Variants in SRPK2 observed in about 807,000 individuals in gnomAD.
SRPK2 encodes the protein SRSF protein kinase 2, also known as SFRS protein kinase 2.
Under a neutral mutation model 90.8 loss-of-function variants are expected in SRPK2, and 21 were observed. The ratio of observed to expected loss-of-function variants is 0.23; its 90% CI spans 0.16 to 0.33. The LOEUF (loss-of-function observed/expected upper bound fraction) is 0.33, where lower values mean the gene tolerates loss of function less well. Ranked by LOEUF, SRPK2 falls within the 10% of genes least tolerant of loss-of-function variation. SRPK2 has a pLI of 1.00. For synonymous variants in SRPK2, 288 were observed against 311.1 expected (o/e 0.93, Z 0.78); for missense variants, 620 against 869.0 (o/e 0.71, Z 3.60).
chr7:105,378,738 G>A (rs533733970), intron 2 of SRPK2, among the ~76,000 whole-genome samples: 1 of 149,774 alleles, frequency 6.7e-6, no homozygotes, highest in Admixed American at 6.7e-5. Flanking sequence ...AATCCAGTCT[G>A]GCAACAGAGA....
At chr7:105,221,673 C>T (rs1284097269) in intron 2 of SRPK2, among the ~76,000 whole-genome samples, 2 of 152,178 alleles carry the variant, frequency 1.3e-5, no homozygotes, top group East Asian at 1.9e-4. Context: ...CTGTCCACAA[C>T]AGTCCTAACC....
chr7:105,182,030 A>C (rs1420465468), intron 3 of SRPK2, among the ~76,000 whole-genome samples: 1 of 151,848 alleles, frequency 6.6e-6, no homozygotes, highest in Non-Finnish European at 1.5e-5. Flanking sequence ...GGAGTTCAAG[A>C]CCAGCCTGGC....
intron 3 of SRPK2, among the ~76,000 whole-genome samples, chr7:105,177,210 A>G (rs1792085508): frequency 6.6e-6 from 1 of 152,186 alleles, no homozygotes; most frequent in Non-Finnish European, 1.5e-5. Flanking sequence ...AAACCTTTTG[A>G]TGACTTGCTT....
chr7:105,170,995 G>T (rs1048645041), intron 3 of SRPK2, among the ~76,000 whole-genome samples: 1 of 117,762 alleles, frequency 8.5e-6, no homozygotes, highest in African/African-American at 3.1e-5. Context: ...AAGAAAGAAA[G>T]AGAAAGAAAG....
intron 2 of SRPK2, among the ~76,000 whole-genome samples, chr7:105,254,126 T>C (rs773729657): frequency 2.9e-4 from 44 of 152,260 alleles, no homozygotes; most frequent in African/African-American, 5.3e-4. Context: ...TAAGAATCTA[T>C]TGATGAATCT....
At chr7:105,361,397 G>C (rs1818408307) in intron 2 of SRPK2, among the ~76,000 whole-genome samples, 1 of 152,098 alleles carries the variant, frequency 6.6e-6, no homozygotes, top group African/African-American at 2.4e-5. Flanking sequence ...TGGCCATACA[G>C]CCCAAGGTAA....
intron 2 of SRPK2, among the ~76,000 whole-genome samples, chr7:105,264,282 A>G (rs1804741590): frequency 6.6e-6 from 1 of 152,052 alleles, no homozygotes; most frequent in Admixed American, 6.6e-5. Context: ...TGCTCTCCGC[A>G]TCCACACATC....
chr7:105,221,736 T>A (rs1023640582), intron 2 of SRPK2, among the ~76,000 whole-genome samples: 1 of 152,126 alleles, frequency 6.6e-6, no homozygotes, highest in Admixed American at 6.5e-5. Flanking sequence ...ACTCAACCCA[T>A]CTTCCTTTTT....
chr7:105,220,866 C>T (rs1361307119), intron 2 of SRPK2, among the ~76,000 whole-genome samples: 2 of 152,048 alleles, frequency 1.3e-5, no homozygotes, highest in Non-Finnish European at 2.9e-5. Flanking sequence ...TTAAAGGTTT[C>T]CCTTTACAAT....
At chr7:105,175,898 T>C (rs1200578077) in intron 3 of SRPK2, among the ~76,000 whole-genome samples, 1 of 152,144 alleles carries the variant, frequency 6.6e-6, no homozygotes, top group African/African-American at 2.4e-5. Flanking sequence ...TGCATTGGTA[T>C]ATTTTATCTT....
chr7:105,312,437 CAAAAAAA>C (rs61348366), intron 2 of SRPK2, among the ~76,000 whole-genome samples: 2 of 84,870 alleles, frequency 2.4e-5, no homozygotes, highest in South Asian at 1.0e-3. Flanking sequence ...GAGACTCCGT[CAAAAAAA>C]AAAAAAAAAA....
At chr7:105,139,979 T>G (rs1196213968) in intron 11 of SRPK2, among the ~76,000 whole-genome samples, 1 of 152,174 alleles carries the variant, frequency 6.6e-6, no homozygotes, top group Non-Finnish European at 1.5e-5. Context: ...GTCTCTGATA[T>G]AAAACGGTGT....
chr7:105,389,209 C>A, upstream of SRPK2: 1 of 1,170,010 alleles, frequency 8.5e-7, no homozygotes, highest in Admixed American at 4.0e-5. Context: ...ACCCGCGGGA[C>A]CCTCCCTCCC....
At chr7:105,195,126 T>C (rs541553069) in intron 3 of SRPK2, among the ~76,000 whole-genome samples, 2 of 152,330 alleles carry the variant, frequency 1.3e-5, no homozygotes, top group South Asian at 4.1e-4. Context: ...CTCAACTCAT[T>C]GCAACCTCCG....
chr7:105,245,024 A>G, intron 2 of SRPK2: 1 of 638,770 alleles, frequency 1.6e-6, no homozygotes, highest in Non-Finnish European at 2.8e-6. Context: ...AGGAAAAACA[A>G]AACAAAACAA....
chr7:105,274,857 C>T (rs915272838), intron 2 of SRPK2, among the ~76,000 whole-genome samples: 2 of 151,582 alleles, frequency 1.3e-5, no homozygotes, highest in Non-Finnish European at 2.9e-5. Flanking sequence ...CAATTAAAGC[C>T]TTCTTCCTCG....
intron 2 of SRPK2, among the ~76,000 whole-genome samples, chr7:105,341,746 C>T (rs1372296281): frequency 1.3e-5 from 2 of 151,900 alleles, no homozygotes; most frequent in African/African-American, 4.8e-5. Context: ...GGTGGGTGAT[C>T]ACCTGATACC....
intron 2 of SRPK2, among the ~76,000 whole-genome samples, chr7:105,229,938 G>A (rs1163569300): frequency 1.3e-5 from 2 of 152,214 alleles, no homozygotes; most frequent in Non-Finnish European, 2.9e-5. Flanking sequence ...TGATGGAAAT[G>A]AGGAGGACTT....
intron 2 of SRPK2, among the ~76,000 whole-genome samples, chr7:105,344,974 A>G (rs1318123698): frequency 6.6e-6 from 1 of 152,042 alleles, no homozygotes; most frequent in Non-Finnish European, 1.5e-5. Flanking sequence ...TGTCTCTACT[A>G]AAAACACAAA....
Sources: gnomAD v4.1 joint callset for allele counts (sites outside exome capture counted in the v4.1 genomes callset) on GRCh38, gnomAD v4.1.1 for gene constraint, MANE v1.5 for transcripts, NCBI Gene and HGNC (gene_info 2026-07-23, HGNC 2026-07-21) for gene names.